Variants in ETV6 observed in about 807,000 individuals in gnomAD.
The protein encoded by ETV6 is ETS variant transcription factor 6, also known as transcription factor ETV6.
Under a neutral mutation model 51.1 loss-of-function variants are expected in ETV6, and 16 were observed. The ratio of observed to expected loss-of-function variants is 0.31; its 90% CI spans 0.21 to 0.48. The LOEUF is 0.48. ETV6 is among the 20% of genes least tolerant of loss of function. The pLI, the probability that ETV6 is intolerant of heterozygous loss-of-function variation, is 0.99. For synonymous variants in ETV6, 240 were observed against 224.1 expected, an observed-to-expected ratio of 1.07 and a Z score of -0.64; for missense variants, 458 against 594.8, an observed-to-expected ratio of 0.77 and a Z score of 2.39.
At chr12:11,802,272 A>G (rs903063951) in intron 2 of ETV6, among the ~76,000 whole-genome samples, 2 of 152,176 alleles carry the variant, frequency 1.3e-5, no homozygotes, top group East Asian at 3.8e-4. Context: ...CCAGGAGCTA[A>G]AAGCTATGGC....
chr12:11,681,256 G>A (rs571698361), intron 1 of ETV6, among the ~76,000 whole-genome samples: 210 of 152,296 alleles, frequency 1.4e-3, no homozygotes, highest in African/African-American at 4.9e-3. Flanking sequence ...TTCCCTTACA[G>A]TGTACTACAG....
chr12:11,773,911 GTGC>G (rs1435302397), intron 2 of ETV6, among the ~76,000 whole-genome samples: 1 of 152,240 alleles, frequency 6.6e-6, no homozygotes, highest in East Asian at 1.9e-4. Flanking sequence ...GGGAAATGCA[GTGC>G]TGCCTGCTGC....
chr12:11,745,076 A>T (rs190082805), intron 1 of ETV6, among the ~76,000 whole-genome samples: 1 of 152,318 alleles, frequency 6.6e-6, no homozygotes, highest in African/African-American at 2.4e-5. Flanking sequence ...TTCTAATTAT[A>T]TTCAGTAGAA....
chr12:11,654,251 G>GC, intron 1 of ETV6, among the ~76,000 whole-genome samples: 1 of 152,140 alleles, frequency 6.6e-6, no homozygotes, highest in Non-Finnish European at 1.5e-5. Flanking sequence ...GCTTCTAAGT[G>GC]CCCCCCAGTT....
intron 1 of ETV6, among the ~76,000 whole-genome samples, chr12:11,668,515 C>T (rs776205257): frequency 6.6e-6 from 1 of 152,064 alleles, no homozygotes; most frequent in Admixed American, 6.5e-5. Context: ...AGAGGAACAG[C>T]CTTTCAACTA....
intron 4 of ETV6, among the ~76,000 whole-genome samples, chr12:11,868,620 T>C (rs1370078698): frequency 6.6e-6 from 1 of 151,756 alleles, no homozygotes; most frequent in Admixed American, 6.6e-5. Flanking sequence ...CTATAAGTTT[T>C]AAACAGTGAA....
In ETV6 at chr12:11,892,911, CTCTG is replaced by C. The variant is rs1345541953; in HGVS notation, c.*1868_*1871del. 1 of 233,008 alleles carries C rather than the reference CTCTG, an allele frequency of 4.3e-6. No individual in the cohort carries two copies. The highest frequency in any genetic ancestry group is 2.2e-5 in the African/African-American group (1 of 45,340). 14.4% of individuals were successfully genotyped at this position (233,008 alleles called of 1,614,324 possible). A position where few individuals can be genotyped will look rare whatever the true frequency, so the allele number is the denominator to read the frequency against. On this transcript the variant is annotated 3_prime_UTR_variant, in exon 8 of 8. Coordinates refer to ENST00000396373, the MANE Select transcript of ETV6 (RefSeq NM_001987.5). ...CTGATCAAGGCTCTCTTCAGCCTTG[CTCTG>C]TCCCTGCCTCTTATCAGAGCACAGG...
intron 3 of ETV6, among the ~76,000 whole-genome samples, chr12:11,840,115 C>T (rs1591711209): frequency 6.6e-6 from 1 of 152,066 alleles, no homozygotes; most frequent in Admixed American, 6.5e-5. Context: ...AAGTAGGACT[C>T]GTTTGAGGTA....
At chr12:11,824,924 A>G (rs1946131245) in intron 2 of ETV6, among the ~76,000 whole-genome samples, 1 of 152,228 alleles carries the variant, frequency 6.6e-6, no homozygotes, top group African/African-American at 2.4e-5. Context: ...TAAGGCTGGA[A>G]CCATGCCATT....
chr12:11,667,504 A>G (rs1864215964), intron 1 of ETV6, among the ~76,000 whole-genome samples: 1 of 150,232 alleles, frequency 6.7e-6, no homozygotes, highest in Non-Finnish European at 1.5e-5. Context: ...GGTTCTAGCA[A>G]CCTGCTGAAG....
At chr12:11,791,059 C>T (rs899024322) in intron 2 of ETV6, among the ~76,000 whole-genome samples, 1 of 152,200 alleles carries the variant, frequency 6.6e-6, no homozygotes, top group African/African-American at 2.4e-5. Flanking sequence ...TAACTAGTGA[C>T]ACCAGTCCCC....
In ETV6 at chr12:11,846,821, T is replaced by C. The variant is rs190540993; in HGVS notation, c.329-6606T>C. On this transcript the variant is annotated intron_variant, in intron 3 of 7. Transcript: ENST00000396373. ...AGGTCATGTTCAGGATTTTACATGT[T>C]TGTTTGAAGACAAGTAGAAGCCATT... 5.5e-4 allele frequency among the ~76,000 whole-genome samples: 84 copies of C among 152,276 alleles called. 1 individual carries two copies. The highest frequency in any genetic ancestry group is 2.0e-3 in the African/African-American group (84 of 41,588).
At chr12:11,734,833 T>C (rs1865672343) in intron 1 of ETV6, among the ~76,000 whole-genome samples, 3 of 152,186 alleles carry the variant, frequency 2.0e-5, no homozygotes, top group Non-Finnish European at 4.4e-5. Context: ...GCCTGGATGC[T>C]TCCAAGCCGT....
chr12:11,848,609 T>A (rs1345520449), intron 3 of ETV6, among the ~76,000 whole-genome samples: 1 of 152,266 alleles, frequency 6.6e-6, no homozygotes, highest in African/African-American at 2.4e-5. Context: ...TTTCTGTGTG[T>A]GCGTGTGTGT....
In ETV6 at chr12:11,891,074, C is replaced by G. The variant is rs748921752; in HGVS notation, c.*28C>G. On this transcript the variant is annotated 3_prime_UTR_variant, in exon 8 of 8. Transcript: ENST00000396373. ...GAACCAACAGTCCACCTCAGCGGGCCAGCAGCCCAGGGAACCCCTGCCCAC... is the reference window on the plus strand; with the variant it reads ...GAACCAACAGTCCACCTCAGCGGGCGAGCAGCCCAGGGAACCCCTGCCCAC... The G allele has an allele frequency of 6.4e-7, 1 of 1,565,958 alleles. No homozygotes were observed. Among genetic ancestry groups the G allele is most frequent in the South Asian group, 1.1e-5 (1 of 90,046 alleles).
intron 1 of ETV6, among the ~76,000 whole-genome samples, chr12:11,664,372 G>C (rs915697788): frequency 6.6e-6 from 1 of 152,012 alleles, no homozygotes; most frequent in African/African-American, 2.4e-5. Flanking sequence ...ACTGCCAAGA[G>C]ATGTTGATGA....
intron 1 of ETV6, among the ~76,000 whole-genome samples, chr12:11,687,066 A>G (rs997908536): frequency 7.2e-5 from 11 of 151,954 alleles, no homozygotes; most frequent in African/African-American, 1.7e-4. Flanking sequence ...TTGTATTTTT[A>G]GTAGAGACGG....
At chr12:11,729,310 C>T (rs998504724) in intron 1 of ETV6, among the ~76,000 whole-genome samples, 2 of 152,288 alleles carry the variant, frequency 1.3e-5, no homozygotes, top group Admixed American at 6.5e-5. Context: ...TGAGTAGTCT[C>T]ATCTGGGTGG....
At chr12:11,706,962 G>C (rs1865083520) in intron 1 of ETV6, among the ~76,000 whole-genome samples, 1 of 152,206 alleles carries the variant, frequency 6.6e-6, no homozygotes, top group African/African-American at 2.4e-5. Flanking sequence ...CTGTGTATTT[G>C]AAAAGGAAGA....
Sources: allele counts gnomAD v4.1 joint callset (sites outside exome capture counted in the v4.1 genomes callset), GRCh38; gene constraint gnomAD v4.1.1; transcripts MANE v1.5; gene names NCBI Gene and HGNC (gene_info 2026-07-23, HGNC 2026-07-21).